Variants in USP2 observed in about 807,000 individuals in gnomAD.
USP2 encodes ubiquitin specific peptidase 2.
A neutral mutation model predicts 72.0 loss-of-function variants in USP2; 33 were observed. That is an observed-to-expected ratio of 0.46 (90% CI 0.35 to 0.61). The LOEUF (loss-of-function observed/expected upper bound fraction) is 0.61. Ranked by LOEUF, USP2 falls within the 20% of genes least tolerant of loss-of-function variation. The pLI is 0.01. For missense variants in USP2, 691 were observed against 797.8 expected (o/e 0.87, Z 1.61); for synonymous variants, 296 against 312.5 (o/e 0.95, Z 0.56).
At chr11:119,361,313 C>G (rs185811475) in intron 2 of USP2, among the ~76,000 whole-genome samples, 145 of 152,258 alleles carry the variant, frequency 9.5e-4, no homozygotes, top group African/African-American at 3.4e-3. Flanking sequence ...GGTGCTGGAT[C>G]GAGGACTCTG....
Position 119,381,593 on chromosome 11 carries a change from C to G in USP2, c.-162G>C. The G allele has an allele frequency of 1.3e-6, 2 of 1,519,230 alleles. No homozygotes were observed. The highest frequency in any genetic ancestry group is 1.8e-6 in the Non-Finnish European group (2 of 1,132,090). The allele number at this position is 1,519,230 out of a possible 1,614,324, so 94.1% of individuals were successfully genotyped here. On this transcript the variant is annotated 5_prime_UTR_variant, in exon 1 of 13. Coordinates refer to ENST00000260187, the MANE Select transcript of USP2 (RefSeq NM_004205.5). ...GCTGACGAAGAGGGCTCCCCGGCCT[C>G]GGCTCCTGCCTGACTCTCTCCCACC...
At chr11:119,358,683 C>A in intron 7 of USP2, 90 bp downstream of exon 7, 1 of 1,476,726 alleles carries the variant, frequency 6.8e-7, no homozygotes, top group South Asian at 1.1e-5. Context: ...ACAGGCTTCC[C>A]CGGGAGAGTG....
At chr11:119,358,593 G>C in intron 7 of USP2, 180 bp downstream of exon 7, 3 of 763,976 alleles carry the variant, frequency 3.9e-6, no homozygotes, top group Non-Finnish European at 6.4e-6. Flanking sequence ...TGGGTTTACA[G>C]GCATGAGCCA....
rs1174909809 is a variant in USP2, at chr11:119,356,921, C to T, written c.1732G>A (p.Val578Ile). The change falls in exon 13 of 13, where the codon GTC (valine) becomes ATC (isoleucine). Residue 578 changes from valine (V) to isoleucine (I), a missense_variant and splice_region_variant. Physicochemically the swap from Val to Ile is conservative, Grantham distance 29 (BLOSUM62 3). Coordinates refer to ENST00000260187, the MANE Select transcript of USP2 (RefSeq NM_004205.5). The stretch of plus-strand genomic sequence containing the variant: ...ACTTGGCTGGAGGACATGGGAGTGA[C>T]GCTGCGGAGAGAGCGGGGAGTCAGC... ...GEWHTFNDSS[V>I]TPMSSSQVRT... 49 of 1,557,614 alleles carry T rather than the reference C, an allele frequency of 3.1e-5. No individual in the cohort carries two copies. The highest frequency in any genetic ancestry group is 3.7e-5 in the Non-Finnish European group (43 of 1,151,262).
chr11:119,379,950 C>T (rs1186743437), intron 1 of USP2, among the ~76,000 whole-genome samples: 6 of 132,656 alleles, frequency 4.5e-5, no homozygotes, highest in Non-Finnish European at 7.7e-5. Context: ...ACGGAGTCTC[C>T]GTCGCCCAGG....
At chr11:119,366,327 T>C (rs1463337497) in intron 2 of USP2, among the ~76,000 whole-genome samples, 1 of 152,242 alleles carries the variant, frequency 6.6e-6, no homozygotes, top group Non-Finnish European at 1.5e-5. Flanking sequence ...CAGGAAATTC[T>C]GGGATGTACT....
intron 10 of USP2, 76 bp from the exon 11 acceptor site, chr11:119,357,666 G>A (rs1416569165): frequency 7.4e-6 from 12 of 1,613,238 alleles, no homozygotes; most frequent in South Asian, 4.4e-5. Flanking sequence ...TACAAGGTCC[G>A]TTTCTTCCGA....
Position 119,373,224 on chromosome 11 carries a change from G to C in USP2, c.257C>G (p.Thr86Ser). The part of the protein sequence containing the change: ...RGRPLLRPDI[T>S]GGGKRAESQT... ...GCTCTCTGCCCGCTTACCACCCCCAGTGATGTCGGGTCTCAGCAGGGGGCG... is the reference window on the plus strand; with the variant it reads ...GCTCTCTGCCCGCTTACCACCCCCACTGATGTCGGGTCTCAGCAGGGGGCG... The change falls in exon 2 of 13, where the codon ACT (threonine) becomes AGT (serine). Residue 86 changes from threonine to serine, a missense_variant. Transcript: ENST00000260187. 1 of 1,614,060 alleles carries C rather than the reference G, an allele frequency of 6.2e-7. No homozygotes were observed. The highest frequency in any genetic ancestry group is 8.5e-7 in the Non-Finnish European group (1 of 1,179,956).
intron 2 of USP2, among the ~76,000 whole-genome samples, chr11:119,363,618 G>A (rs1950800791): frequency 6.6e-6 from 1 of 151,980 alleles, no homozygotes; most frequent in East Asian, 2.0e-4. Flanking sequence ...GGGCCACCGA[G>A]AGGGAGGGGG....
chr11:119,362,781 G>A (rs1002405867), intron 2 of USP2, among the ~76,000 whole-genome samples: 1 of 152,202 alleles, frequency 6.6e-6, no homozygotes. Context: ...ATGACCCCAA[G>A]TGTTATGCTG....
At chr11:119,378,843 T>C (rs1262679789) in intron 1 of USP2, among the ~76,000 whole-genome samples, 1 of 152,160 alleles carries the variant, frequency 6.6e-6, no homozygotes, top group African/African-American at 2.4e-5. Context: ...CTCTAGGGCG[T>C]CATCTTTCCT....
Position 119,373,152 on chromosome 11 carries a change from C to T in USP2, c.329G>A (p.Gly110Asp). The change falls in exon 2 of 13, where the codon GGC (glycine) becomes GAC (aspartate). Residue 110 changes from glycine to aspartate, a missense_variant. Transcript: ENST00000260187. ...ERPLGSGLSG[G>D]SGFPYGVTNN... ...GGTCACTCCATAAGGGAATCCGCTG[C>T]CCCCGCTGAGGCCACTGCCTAAAGG... 5 of 1,614,116 alleles carry T rather than the reference C, an allele frequency of 3.1e-6. No individual in the cohort carries two copies. Among genetic ancestry groups the T allele is most frequent in the Non-Finnish European group, 3.4e-6 (4 of 1,180,024 alleles).
intron 7 of USP2, 182 bp downstream of exon 7, chr11:119,358,591 C>T (rs953329208): frequency 8.0e-6 from 6 of 747,824 alleles, no homozygotes; most frequent in South Asian, 3.5e-5. Context: ...GTTGGGTTTA[C>T]AGGCATGAGC....
chr11:119,359,976 A>C (rs529455123), intron 3 of USP2, among the ~76,000 whole-genome samples: 4 of 152,300 alleles, frequency 2.6e-5, no homozygotes, highest in Admixed American at 1.3e-4. Context: ...GATGGGTAAA[A>C]GGGCAACTTC....
rs1950963744 is a variant in USP2 at position 119,373,539 on chromosome 11, T to C, written c.-41-18A>G. 17 of 1,501,232 alleles carry C rather than the reference T, an allele frequency of 1.1e-5. No individual in the cohort carries two copies. The Middle Eastern group carries it at 5.3e-4, about 47-fold the overall frequency. The allele number at this position is 1,501,232 out of a possible 1,614,324, so 93.0% of individuals were successfully genotyped here. ...CTCATGGGCTGAAAGACAAGGAGTG[T>C]AGTTGTCAGAGGGCCCTGCCAGGTG... is the stretch of plus-strand genomic sequence containing the variant. On this transcript the variant is annotated intron_variant, in intron 1 of 12. Transcript: ENST00000260187.
chr11:119,364,120 G>A, intron 2 of USP2: 1 of 1,223,750 alleles, frequency 8.2e-7, no homozygotes, highest in South Asian at 4.2e-5. Flanking sequence ...GACAGCGTCC[G>A]CGGCGCCCGA....
intron 1 of USP2, chr11:119,379,378 T>C: frequency 3.9e-5 from 21 of 538,204 alleles, no homozygotes; most frequent in Non-Finnish European, 4.7e-5. Context: ...GGGGTGGGGG[T>C]GGAACTTGAG....
At chr11:119,378,495 G>A (rs1951027679) in intron 1 of USP2, among the ~76,000 whole-genome samples, 1 of 152,202 alleles carries the variant, frequency 6.6e-6, no homozygotes, top group Admixed American at 6.5e-5. Context: ...CCCCTGGCAG[G>A]GGGTCATCCA....
chr11:119,364,096 C>T (rs1276092672), intron 2 of USP2: 2 of 1,256,142 alleles, frequency 1.6e-6, no homozygotes, highest in Non-Finnish European at 2.0e-6. Context: ...CCGAGGCCGG[C>T]GAGACCGCTA....
Sources: allele counts gnomAD v4.1 joint callset (sites outside exome capture counted in the v4.1 genomes callset), GRCh38; gene constraint gnomAD v4.1.1; transcripts MANE v1.5; gene names NCBI Gene and HGNC (gene_info 2026-07-23, HGNC 2026-07-21).